LHFPL3: variants seen among roughly 807,000 people sequenced by gnomAD.
The protein encoded by LHFPL3 is LHFPL tetraspan subfamily member 3.
LHFPL3 carries 5 observed loss-of-function variants against 19.3 expected under a neutral mutation model. That is an observed-to-expected ratio of 0.26 (90% CI 0.14 to 0.54). The LOEUF is 0.54. Ranked by LOEUF, LHFPL3 falls within the 20% of genes least tolerant of loss-of-function variation. LHFPL3 has a pLI of 0.94. For synonymous variants in LHFPL3, 133 were observed against 126.2 expected (o/e 1.05, Z -0.36); for missense variants, 249 against 307.4 (o/e 0.81, Z 1.42).
intron 1 of LHFPL3, among the ~76,000 whole-genome samples, chr7:104,544,812 C>T (rs1794550434): frequency 6.6e-6 from 1 of 152,004 alleles, no homozygotes; most frequent in African/African-American, 2.4e-5. Context: ...ATCACAAGTC[C>T]TTTTCCTGCC....
At chr7:104,575,487 A>G (rs1790311721) in intron 1 of LHFPL3, among the ~76,000 whole-genome samples, 1 of 146,440 alleles carries the variant, frequency 6.8e-6, no homozygotes, top group East Asian at 2.1e-4. Context: ...ATTTTTATAT[A>G]TTATTGGCAA....
intron 1 of LHFPL3, among the ~76,000 whole-genome samples, chr7:104,388,941 A>G (rs755535857): frequency 2.6e-5 from 4 of 152,174 alleles, no homozygotes; most frequent in Non-Finnish European, 4.4e-5. Flanking sequence ...GTGAAAGACA[A>G]TACTTTCCTC....
intron 1 of LHFPL3, among the ~76,000 whole-genome samples, chr7:104,352,393 A>G (rs1302216211): frequency 1.3e-5 from 2 of 152,198 alleles, no homozygotes; most frequent in Non-Finnish European, 2.9e-5. Context: ...TAAGAACTTC[A>G]TAAATATTAG....
At chr7:104,865,949 C>T (rs926231189) in intron 2 of LHFPL3, among the ~76,000 whole-genome samples, 15 of 152,132 alleles carry the variant, frequency 9.9e-5, no homozygotes, top group African/African-American at 3.4e-4. Flanking sequence ...GAATTTTCAA[C>T]CCAGAATTTC....
chr7:104,661,228 A>G (rs913175453), intron 1 of LHFPL3, among the ~76,000 whole-genome samples: 4 of 152,206 alleles, frequency 2.6e-5, no homozygotes, highest in Admixed American at 6.5e-5. Context: ...TGTAAACTAC[A>G]CACAGAAACC....
intron 2 of LHFPL3, among the ~76,000 whole-genome samples, chr7:104,881,576 A>G (rs986977144): frequency 3.9e-5 from 6 of 152,214 alleles, no homozygotes; most frequent in Non-Finnish European, 5.9e-5. Flanking sequence ...TTATGAATGA[A>G]CAAAGAAAGT....
intron 2 of LHFPL3, among the ~76,000 whole-genome samples, chr7:104,762,832 C>T (rs1346932881): frequency 6.6e-6 from 1 of 152,160 alleles, no homozygotes; most frequent in Non-Finnish European, 1.5e-5. Flanking sequence ...ATTGGCTAAG[C>T]AAATGACTCA....
intron 1 of LHFPL3, among the ~76,000 whole-genome samples, chr7:104,726,785 A>G (rs890835196): frequency 5.9e-5 from 9 of 152,180 alleles, no homozygotes; most frequent in Non-Finnish European, 8.8e-5. Flanking sequence ...CAGTGCTGCA[A>G]TAAACATATG....
chr7:104,859,598 G>A (rs1400714968), intron 2 of LHFPL3, among the ~76,000 whole-genome samples: 1 of 151,804 alleles, frequency 6.6e-6, no homozygotes, highest in African/African-American at 2.4e-5. Flanking sequence ...GAACCCGGAA[G>A]GCGGAGGTTT....
intron 2 of LHFPL3, among the ~76,000 whole-genome samples, chr7:104,835,581 TTC>T (rs1402608809): frequency 0.023 from 1,613 of 69,760 alleles, 55 homozygotes; most frequent in African/African-American, 0.054. Context: ...GAACTTTGTT[TTC>T]TTTTTTTTTT....
At chr7:104,761,561 T>G (rs1179210964) in intron 2 of LHFPL3, among the ~76,000 whole-genome samples, 1 of 151,970 alleles carries the variant, frequency 6.6e-6, no homozygotes, top group Non-Finnish European at 1.5e-5. Context: ...GAGGAACTGA[T>G]GGAAGAAGGT....
chr7:104,329,348 G>C (rs1469110533), intron 1 of LHFPL3, 124 bp downstream of exon 1: 13 of 1,288,304 alleles, frequency 1.0e-5, no homozygotes, highest in Non-Finnish European at 1.4e-5. Flanking sequence ...ATCCGCTCAG[G>C]CGTCGAGGTG....
At chr7:104,546,010 T>C (rs897859585) in intron 1 of LHFPL3, among the ~76,000 whole-genome samples, 1 of 152,176 alleles carries the variant, frequency 6.6e-6, no homozygotes, top group African/African-American at 2.4e-5. Flanking sequence ...GAGCTTACTG[T>C]GAACTAAAGA....
At position 104,650,580 on chromosome 7, in the gene LHFPL3, GAT is replaced by G. The variant is rs368184538; in HGVS notation, c.446-86094_446-86093del. On this transcript the variant is annotated intron_variant, in intron 1 of 2. Coordinates refer to ENST00000424859, the MANE Select transcript of LHFPL3 (RefSeq NM_199000.3). Reference sequence around the variant, plus strand: ...TTCCATTCAGATTACTGCATTCCTTGATGACAGCATTGTTTTTTATTACACCT... The same window carrying G: ...TTCCATTCAGATTACTGCATTCCTTGGACAGCATTGTTTTTTATTACACCT... 1.7e-3 allele frequency among the ~76,000 whole-genome samples: 258 copies of G among 152,336 alleles called. 2 individuals are homozygous for G. Among genetic ancestry groups the G allele is most frequent in the African/African-American group, 5.5e-3 (227 of 41,582 alleles).
intron 2 of LHFPL3, among the ~76,000 whole-genome samples, chr7:104,816,080 C>G (rs1221452119): frequency 2.6e-5 from 4 of 152,094 alleles, no homozygotes; most frequent in African/African-American, 9.7e-5. Flanking sequence ...TCTGCAGCAG[C>G]CTTGACCTTC....
chr7:104,783,159 C>T (rs539970386), intron 2 of LHFPL3, among the ~76,000 whole-genome samples: 8 of 152,338 alleles, frequency 5.3e-5, no homozygotes, highest in African/African-American at 1.7e-4. Flanking sequence ...ATTTTAACAA[C>T]CCCACAAGGT....
chr7:104,518,858 AAAC>A (rs1292065432), intron 1 of LHFPL3, among the ~76,000 whole-genome samples: 4 of 144,112 alleles, frequency 2.8e-5, no homozygotes, highest in African/African-American at 1.2e-4. Context: ...ATAAATAAAA[AAAC>A]TGTGATGCAA....
intron 1 of LHFPL3, among the ~76,000 whole-genome samples, chr7:104,614,737 T>TTC (rs1328004953): frequency 7.5e-5 from 10 of 133,216 alleles, no homozygotes; most frequent in African/African-American, 2.8e-4. Flanking sequence ...CTTTCTTTCT[T>TTC]TCTCTTTCTC....
At chr7:104,772,586 C>T (rs1292748928) in intron 2 of LHFPL3, among the ~76,000 whole-genome samples, 1 of 152,210 alleles carries the variant, frequency 6.6e-6, no homozygotes, top group Non-Finnish European at 1.5e-5. Flanking sequence ...AAAGGGCAGG[C>T]TGCGCTAGAC....
Sources: allele counts gnomAD v4.1 joint callset (sites outside exome capture counted in the v4.1 genomes callset), GRCh38; gene constraint gnomAD v4.1.1; transcripts MANE v1.5; gene names NCBI Gene and HGNC (gene_info 2026-07-23, HGNC 2026-07-21).